Variants in TANC2 observed in about 807,000 individuals in gnomAD.
The protein encoded by TANC2 is protein TANC2.
In TANC2, 26 loss-of-function variants were observed where a neutral mutation model predicts 210.5. That is an observed-to-expected ratio of 0.12 (90% CI 0.09 to 0.17). TANC2 has a LOEUF of 0.17. Ranked by LOEUF, TANC2 falls within the 10% of genes least tolerant of loss-of-function variation. The probability of loss-of-function intolerance (pLI) is 1.00; values close to 1 mark genes in which losing one functional copy is unlikely to be tolerated. For missense variants in TANC2, 2,129 were observed against 2,608.9 expected (o/e 0.82, Z 4.01); for synonymous variants, 931 against 967.1 (o/e 0.96, Z 0.69).
intron 7 of TANC2, among the ~76,000 whole-genome samples, chr17:63,229,257 C>G (rs1249411116): frequency 1.3e-5 from 2 of 152,162 alleles, no homozygotes; most frequent in Non-Finnish European, 2.9e-5. Context: ...TTGAACCAGC[C>G]TTGCACCCCA....
At chr17:63,123,751 A>G (rs2038586673) in intron 4 of TANC2, among the ~76,000 whole-genome samples, 1 of 127,168 alleles carries the variant, frequency 7.9e-6, no homozygotes, top group East Asian at 2.2e-4. Flanking sequence ...CAGTGACACT[A>G]TCTTGGCTCA....
chr17:63,218,707 C>T (rs1312799360), intron 7 of TANC2, among the ~76,000 whole-genome samples: 1 of 152,008 alleles, frequency 6.6e-6, no homozygotes, highest in Non-Finnish European at 1.5e-5. Context: ...ACCAGCCTGG[C>T]CAACATGGCG....
exon 5 of TANC2, chr17:63,151,290 TTTG>T: frequency 3.0e-6 from 3 of 985,770 alleles, no homozygotes; most frequent in Non-Finnish European, 3.6e-6. Flanking sequence ...GAAGGCAAAG[TTTG>T]TTGAGAGCCC....
At chr17:63,021,020 T>C (rs748946762) in intron 2 of TANC2, among the ~76,000 whole-genome samples, 2 of 152,172 alleles carry the variant, frequency 1.3e-5, no homozygotes, top group African/African-American at 2.4e-5. Context: ...CTTCATGAGC[T>C]ACCCTCATGA....
intron 2 of TANC2, among the ~76,000 whole-genome samples, chr17:63,013,398 C>G (rs1339159174): frequency 6.6e-6 from 1 of 152,080 alleles, no homozygotes; most frequent in Non-Finnish European, 1.5e-5. Context: ...CCACTTTTCT[C>G]TTTTAAGGTT....
intron 2 of TANC2, among the ~76,000 whole-genome samples, chr17:63,068,940 A>G (rs1445572186): frequency 6.6e-6 from 1 of 152,128 alleles, no homozygotes; most frequent in Non-Finnish European, 1.5e-5. Context: ...CATGCTTGTG[A>G]TTTTACATAT....
At chr17:63,396,377 C>T (rs1245211739) in intron 18 of TANC2, 1 of 166,780 alleles carries the variant, frequency 6.0e-6, no homozygotes, top group African/African-American at 2.4e-5. Flanking sequence ...AGTTTCCCAT[C>T]AGCAAAGTGA....
At chr17:63,016,164 C>G (rs1385949299) in intron 2 of TANC2, among the ~76,000 whole-genome samples, 2 of 152,004 alleles carry the variant, frequency 1.3e-5, no homozygotes, top group Non-Finnish European at 2.9e-5. Flanking sequence ...GAATTTATTC[C>G]AAGAATACAA....
chr17:63,306,469 G>C (rs1018179043), intron 9 of TANC2, among the ~76,000 whole-genome samples: 4 of 152,008 alleles, frequency 2.6e-5, no homozygotes, highest in Non-Finnish European at 5.9e-5. Context: ...CCTTTACTAT[G>C]TACCCCAGAC....
intron 1 of TANC2, among the ~76,000 whole-genome samples, chr17:62,991,639 CA>C (rs576514397): frequency 1.1e-3 from 67 of 62,648 alleles, no homozygotes; most frequent in Non-Finnish European, 1.4e-3. Context: ...GACTCCGTCT[CA>C]AAAAAAAAAA....
intron 3 of TANC2, chr17:63,088,837 C>T (rs1229249116): frequency 6.6e-6 from 1 of 152,150 alleles, no homozygotes; most frequent in Non-Finnish European, 1.5e-5. Context: ...TGAATTCTCC[C>T]ATGTCTCTGA....
At chr17:63,402,885 A>G (rs1049802004) in intron 19 of TANC2, among the ~76,000 whole-genome samples, 4 of 152,228 alleles carry the variant, frequency 2.6e-5, no homozygotes, top group Admixed American at 6.5e-5. Context: ...CCAGCCATAC[A>G]ACTCCTTGCT....
chr17:63,301,649 T>A (rs2146493392), intron 9 of TANC2, among the ~76,000 whole-genome samples: 1 of 152,300 alleles, frequency 6.6e-6, no homozygotes, highest in East Asian at 1.9e-4. Context: ...TTTTATTGTG[T>A]CTATTTGATT....
chr17:62,978,328 C>CT (rs1225183273), intron 1 of TANC2, among the ~76,000 whole-genome samples: 1 of 152,028 alleles, frequency 6.6e-6, no homozygotes, highest in East Asian at 1.9e-4. Context: ...GATTATTTCT[C>CT]TTTTTTTGGG....
At position 63,405,110 on chromosome 17, in the gene TANC2, C is replaced by G. The variant is rs2048461762; in HGVS notation, c.3332-12C>G. 2 of 1,603,766 alleles carry G rather than the reference C, an allele frequency of 1.2e-6. No homozygotes were observed. The highest frequency in any genetic ancestry group is 1.7e-6 in the Non-Finnish European group (2 of 1,171,918). On this transcript the variant is annotated splice_polypyrimidine_tract_variant and intron_variant, in intron 19 of 27. Coordinates refer to ENST00000689528, the Ensembl canonical transcript of TANC2. Reference sequence around the variant, plus strand: ...GAACCACCTATCCTCAATCTTTGTTCTCTGCCCTTAGCCCTAACAGCTGCA... The same window carrying G: ...GAACCACCTATCCTCAATCTTTGTTGTCTGCCCTTAGCCCTAACAGCTGCA...
intron 1 of TANC2, chr17:63,005,296 T>A (rs185375398): frequency 6.6e-6 from 1 of 152,324 alleles, no homozygotes; most frequent in Non-Finnish European, 1.5e-5. Context: ...TCTGTTGATC[T>A]ACTTGTTAGT....
At chr17:63,203,316 C>CT (rs1195861331) in intron 7 of TANC2, among the ~76,000 whole-genome samples, 1 of 152,152 alleles carries the variant, frequency 6.6e-6, no homozygotes, top group Non-Finnish European at 1.5e-5. Flanking sequence ...GATGAGGCTA[C>CT]TTACAGTCTT....
intron 12 of TANC2, among the ~76,000 whole-genome samples, chr17:63,342,428 G>C (rs1394200647): frequency 1.3e-5 from 2 of 152,112 alleles, no homozygotes; most frequent in Non-Finnish European, 2.9e-5. Context: ...GAACAGATAA[G>C]TGAATATAGA....
chr17:63,354,863 G>C (rs904668924), exon 14 of TANC2: 27 of 1,613,498 alleles, frequency 1.7e-5, no homozygotes, highest in Non-Finnish European at 2.2e-5. Context: ...AGGACCTGCA[G>C]GCTTACATCC....
Sources: gnomAD v4.1 joint callset for allele counts (sites outside exome capture counted in the v4.1 genomes callset) on GRCh38, gnomAD v4.1.1 for gene constraint, MANE v1.5 for transcripts, NCBI Gene and HGNC (gene_info 2026-07-23, HGNC 2026-07-21) for gene names.